Variants in ZNF704 observed in about 807,000 individuals in gnomAD.
ZNF704 encodes glucocorticoid induced gene 1.
In ZNF704, 10 loss-of-function variants were observed where a neutral mutation model predicts 44.7. The ratio of observed to expected loss-of-function variants is 0.22; its 90% CI spans 0.14 to 0.38. The LOEUF is 0.38. Among genes scored for constraint, ZNF704 ranks in the 10% least tolerant of loss-of-function variants. The probability of loss-of-function intolerance (pLI) is 1.00; values close to 1 mark genes in which losing one functional copy is unlikely to be tolerated. For synonymous variants in ZNF704, 211 were observed against 207.6 expected, an observed-to-expected ratio of 1.02 and a Z score of -0.14; for missense variants, 390 against 545.5, an observed-to-expected ratio of 0.71 and a Z score of 2.84.
At position 80,836,892 on chromosome 8, in the gene ZNF704, A is replaced by G. The variant is rs538149826; in HGVS notation, c.-21-15277T>C. Among the ~76,000 whole-genome samples the G allele has an allele frequency of 1.1e-4, 17 of 152,266 alleles. No individual in the cohort carries two copies. The East Asian group carries it at 3.3e-3, about 29-fold the overall frequency. ...CTTACAAACTGCATAATTATTTATT[A>G]TGCTTATTGTCCAAGCTGCTCCACC... On this transcript the variant is annotated intron_variant, in intron 1 of 8. Coordinates refer to ENST00000327835, the MANE Select transcript of ZNF704 (RefSeq NM_001033723.3).
At position 80,640,258 on chromosome 8, in the gene ZNF704, T is replaced by C. The variant is rs1353761783; in HGVS notation, c.*1108A>G. On this transcript the variant is annotated 3_prime_UTR_variant, in exon 9 of 9. Coordinates refer to ENST00000327835, the MANE Select transcript of ZNF704 (RefSeq NM_001033723.3). ...CCCGGACATGCTAAAGCATAAAACC[T>C]ATAAAAGTGCACTCAGAATGGAAGT... 2.6e-5 allele frequency: 4 copies of C among 152,768 alleles called. No individual in the cohort carries two copies. The highest frequency in any genetic ancestry group is 9.6e-5 in the African/African-American group (4 of 41,582). 9.5% of individuals were successfully genotyped at this position (152,768 alleles called of 1,614,324 possible). A position where few individuals can be genotyped will look rare whatever the true frequency, so the allele number is the denominator to read the frequency against.
Position 80,874,295 on chromosome 8 carries a change from G to A in ZNF704, c.-22+276C>T, listed in dbSNP as rs1809322287. Among the ~76,000 whole-genome samples, 3 of 145,056 alleles carry A rather than the reference G, an allele frequency of 2.1e-5. No individual in the cohort carries two copies. The highest frequency in any genetic ancestry group is 2.0e-4 in the East Asian group (1 of 4,892). ...GCGCGGCGGCCGCGGGCGGGGGTGG[G>A]TGTGAGCGAGCGGCGCGCTGCCGCC... On this transcript the variant is annotated intron_variant, in intron 1 of 8. Transcript: ENST00000327835. This position sits in a 1 kb window ranked among gnomAD's most constrained non-coding sequence, Gnocchi z 4.4.
chr8:80,824,461 C>T (rs529684379), intron 1 of ZNF704, among the ~76,000 whole-genome samples: 13 of 152,226 alleles, frequency 8.5e-5, no homozygotes, highest in African/African-American at 2.9e-4. Context: ...CTGGTGTACC[C>T]GAAAATGACG....
At chr8:80,690,225 A>G (rs181758676) in intron 3 of ZNF704, among the ~76,000 whole-genome samples, 1 of 152,228 alleles carries the variant, frequency 6.6e-6, no homozygotes, top group Non-Finnish European at 1.5e-5. Context: ...TGTGCTAACG[A>G]AAGTTTGCAT....
chr8:80,698,811 G>C (rs545621454), intron 2 of ZNF704, among the ~76,000 whole-genome samples: 1 of 152,174 alleles, frequency 6.6e-6, no homozygotes, highest in Non-Finnish European at 1.5e-5. Context: ...GCCCTTGAGC[G>C]CTCAGCTATG....
intron 2 of ZNF704, among the ~76,000 whole-genome samples, chr8:80,742,634 C>G (rs1219323215): frequency 1.3e-5 from 2 of 152,152 alleles, no homozygotes; most frequent in African/African-American, 2.4e-5. Context: ...AGGTGTAAAA[C>G]TACAAATCGT....
At position 80,633,355 on chromosome 8, in the gene ZNF704, T is replaced by C. The variant is rs1184098191; in HGVS notation, c.*8011A>G. 1 of 152,220 alleles carries C rather than the reference T, an allele frequency of 6.6e-6. No homozygotes were observed. The highest frequency in any genetic ancestry group is 1.5e-5 in the Non-Finnish European group (1 of 68,040). The allele number at this position is 152,220 out of a possible 1,614,324, so 9.4% of individuals were successfully genotyped here. On this transcript the variant is annotated 3_prime_UTR_variant, in exon 9 of 9. Transcript: ENST00000327835. ...CATACATTTAGCTAATAAACTCCTA[T>C]AATTAACTACCAAATTGGCTGAAAT...
At chr8:80,823,347 C>T (rs1808311833) in intron 1 of ZNF704, among the ~76,000 whole-genome samples, 1 of 152,222 alleles carries the variant, frequency 6.6e-6, no homozygotes. Flanking sequence ...TGAGATCAAA[C>T]TGCAAGGCGG....
At chr8:80,768,000 T>C (rs1007273077) in intron 2 of ZNF704, among the ~76,000 whole-genome samples, 2 of 152,140 alleles carry the variant, frequency 1.3e-5, no homozygotes, top group East Asian at 1.9e-4. Context: ...CCTAAAGGCA[T>C]AGATGTCTTT....
chr8:80,746,443 C>G (rs1434896726), intron 2 of ZNF704, among the ~76,000 whole-genome samples: 2 of 152,172 alleles, frequency 1.3e-5, no homozygotes, highest in South Asian at 2.1e-4. Flanking sequence ...AAGCACTCTT[C>G]TAGATATTGG....
At position 80,634,781 on chromosome 8, in the gene ZNF704, A is replaced by C. The variant is rs1817640619; in HGVS notation, c.*6585T>G. The C allele has an allele frequency of 6.6e-6, 1 of 152,242 alleles. No individual in the cohort carries two copies. Among genetic ancestry groups the C allele is most frequent in the Non-Finnish European group, 1.5e-5 (1 of 68,058 alleles). 9.4% of individuals were successfully genotyped at this position (152,242 alleles called of 1,614,324 possible). A position where few individuals can be genotyped will look rare whatever the true frequency, so the allele number is the denominator to read the frequency against. On this transcript the variant is annotated 3_prime_UTR_variant, in exon 9 of 9. Transcript: ENST00000327835. Reference sequence around the variant, plus strand: ...CTTGCCTGGTCCTTCTGAGGCACTGACATTTGCAACCTCTCCTATATAGAA... The same window carrying C: ...CTTGCCTGGTCCTTCTGAGGCACTGCCATTTGCAACCTCTCCTATATAGAA...
chr8:80,655,811 C>G (rs1308965671), intron 7 of ZNF704, among the ~76,000 whole-genome samples: 1 of 152,170 alleles, frequency 6.6e-6, no homozygotes, highest in Non-Finnish European at 1.5e-5. Context: ...AATCTTCCCT[C>G]AAGGCATTAA....
At chr8:80,831,716 G>C (rs1396026663) in intron 1 of ZNF704, among the ~76,000 whole-genome samples, 1 of 152,164 alleles carries the variant, frequency 6.6e-6, no homozygotes, top group Non-Finnish European at 1.5e-5. Context: ...TGGGGTAAAT[G>C]GGGATCTACC....
intron 1 of ZNF704, among the ~76,000 whole-genome samples, chr8:80,843,067 T>C (rs964692184): frequency 6.6e-6 from 1 of 152,238 alleles, no homozygotes; most frequent in Non-Finnish European, 1.5e-5. Flanking sequence ...CTGCTAACGA[T>C]GTAGAAGATA....
At chr8:80,877,871 AAGG>A (rs1194407849), upstream of ZNF704, among the ~76,000 whole-genome samples, 1 of 152,224 alleles carries the variant, frequency 6.6e-6, no homozygotes, top group Non-Finnish European at 1.5e-5. Flanking sequence ...GGAAAAATAA[AAGG>A]AGGGGTAGAA....
At chr8:80,853,075 A>C (rs1296155396) in intron 1 of ZNF704, among the ~76,000 whole-genome samples, 1 of 152,212 alleles carries the variant, frequency 6.6e-6, no homozygotes, top group East Asian at 1.9e-4. Context: ...CATACACAGA[A>C]AGAATCTGTG....
Position 80,779,071 on chromosome 8 carries a change from T to C in ZNF704, c.221+42303A>G, listed in dbSNP as rs1807466721. ...TATGTATCTCTAACATCTTTCAATATATGTCTTCCTTCCTCCCTCCCCCTC... is the reference window on the plus strand; with the variant it reads ...TATGTATCTCTAACATCTTTCAATACATGTCTTCCTTCCTCCCTCCCCCTC... On this transcript the variant is annotated intron_variant, in intron 2 of 8. Transcript: ENST00000327835. Among the ~76,000 whole-genome samples, 9 of 151,992 alleles carry C rather than the reference T, an allele frequency of 5.9e-5. No individual in the cohort carries two copies. In the South Asian group the frequency reaches 1.7e-3, roughly 28 times the overall value.
At chr8:80,687,131 G>T in intron 4 of ZNF704, 95 bp downstream of exon 4, 1 of 1,006,846 alleles carries the variant, frequency 9.9e-7, no homozygotes, top group Non-Finnish European at 1.5e-6. Flanking sequence ...GAAAGGGGGT[G>T]TAGGTCCAAG....
intron 2 of ZNF704, among the ~76,000 whole-genome samples, chr8:80,818,524 T>C (rs1483600640): frequency 6.6e-6 from 1 of 152,168 alleles, no homozygotes; most frequent in African/African-American, 2.4e-5. Context: ...CTGGATTACT[T>C]ATAATATCTA....
Sources: allele counts gnomAD v4.1 joint callset (sites outside exome capture counted in the v4.1 genomes callset), GRCh38; gene constraint gnomAD v4.1.1; non-coding constraint Gnocchi (gnomAD v3.1); transcripts MANE v1.5; gene names NCBI Gene and HGNC (gene_info 2026-07-23, HGNC 2026-07-21).